Variants in LRP5 observed in about 807,000 individuals in gnomAD.
LRP5 encodes low-density lipoprotein receptor-related protein 5.
Under a neutral mutation model 154.1 loss-of-function variants are expected in LRP5, and 62 were observed. That is an observed-to-expected ratio of 0.40 (90% confidence interval 0.33 to 0.50). The LOEUF is 0.50. Ranked by LOEUF, LRP5 falls within the 20% of genes least tolerant of loss-of-function variation. The pLI, the probability that LRP5 is intolerant of heterozygous loss-of-function variation, is 0.55. For synonymous variants in LRP5, 966 were observed against 1,011.5 expected (o/e 0.96, Z 0.85); for missense variants, 1,915 against 2,336.7 (o/e 0.82, Z 3.72).
At chr11:68,432,876 C>T (rs182574849) in intron 17 of LRP5, among the ~76,000 whole-genome samples, 13 of 152,360 alleles carry the variant, frequency 8.5e-5, no homozygotes, top group South Asian at 4.1e-4. Context: ...GCACTGAGGA[C>T]GTGGAGCCCC....
upstream of LRP5, among the ~76,000 whole-genome samples, chr11:68,309,833 T>C (rs2098586709): frequency 6.6e-6 from 1 of 152,166 alleles, no homozygotes; most frequent in African/African-American, 2.4e-5. Context: ...CTGCTACCAT[T>C]GTACCCACCT....
intron 2 of LRP5, among the ~76,000 whole-genome samples, chr11:68,354,508 T>C (rs2098621470): frequency 1.3e-5 from 2 of 151,876 alleles, no homozygotes; most frequent in African/African-American, 2.4e-5. Context: ...TCTCAGGAGG[T>C]GGCGGAGGGT....
intron 1 of LRP5, among the ~76,000 whole-genome samples, chr11:68,327,279 C>T (rs1419905719): frequency 3.9e-5 from 6 of 152,174 alleles, no homozygotes; most frequent in Non-Finnish European, 7.4e-5. Flanking sequence ...GTCTCGGGGA[C>T]GGAGGGCTTG....
Position 68,411,421 on chromosome 11 carries a change from C to T in LRP5, c.2319-15C>T. 6.2e-7 allele frequency: 1 copy of T among 1,609,278 alleles called. No individual in the cohort carries two copies. Among genetic ancestry groups the T allele is most frequent in the South Asian group, 1.1e-5 (1 of 91,002 alleles). On this transcript the variant is annotated splice_polypyrimidine_tract_variant and intron_variant, in intron 10 of 22. Coordinates refer to ENST00000294304, the MANE Select transcript of LRP5 (RefSeq NM_002335.4). ...CAGACTCACTGAGCCTGCCCTTCTCCCTTGTGCCTTCCAGCTACATCTACT... is the reference window on the plus strand; with the variant it reads ...CAGACTCACTGAGCCTGCCCTTCTCTCTTGTGCCTTCCAGCTACATCTACT...
At chr11:68,313,819 C>A (rs1256237719) in intron 1 of LRP5, among the ~76,000 whole-genome samples, 2 of 152,234 alleles carry the variant, frequency 1.3e-5, no homozygotes, top group African/African-American at 4.8e-5. Flanking sequence ...TTTGTCTGGG[C>A]CTCCTTAAGG....
chr11:68,344,047 C>A (rs145895068), intron 1 of LRP5, among the ~76,000 whole-genome samples: 1 of 152,014 alleles, frequency 6.6e-6, no homozygotes, highest in Non-Finnish European at 1.5e-5. Flanking sequence ...TTCCCCCGCC[C>A]GAGGGACTTC....
At chr11:68,438,298 C>A (rs973466306) in intron 19 of LRP5, 148 bp from the exon 20 acceptor site, 3 of 824,534 alleles carry the variant, frequency 3.6e-6, no homozygotes, top group Non-Finnish European at 6.2e-6. Context: ...CCAGGCTCCC[C>A]AGGCCTAGCC....
intron 5 of LRP5, among the ~76,000 whole-genome samples, chr11:68,378,165 GTTTGT>G (rs1204699667): frequency 4.2e-3 from 1 of 238 alleles, no homozygotes; most frequent in Non-Finnish European, 8.1e-3. Context: ...AAATTATCTT[GTTTGT>G]TTGTGAAAAA....
chr11:68,371,498 C>T (rs17159533), intron 5 of LRP5, among the ~76,000 whole-genome samples: 4 of 152,152 alleles, frequency 2.6e-5, no homozygotes, highest in African/African-American at 4.8e-5. Context: ...CATTCCTTGC[C>T]GTAAAATATC....
At chr11:68,334,423 T>TA (rs1215654687) in intron 1 of LRP5, among the ~76,000 whole-genome samples, 1 of 152,028 alleles carries the variant, frequency 6.6e-6, no homozygotes, top group Non-Finnish European at 1.5e-5. Flanking sequence ...AGCAAATAAG[T>TA]AAACATATGG....
intron 5 of LRP5, among the ~76,000 whole-genome samples, chr11:68,385,614 T>G (rs192647124): frequency 1.3e-5 from 2 of 152,032 alleles, no homozygotes; most frequent in East Asian, 3.9e-4. Context: ...CAAGTGGTCG[T>G]GAAACTCTGT....
intron 7 of LRP5, among the ~76,000 whole-genome samples, chr11:68,396,388 G>A (rs1486561712): frequency 6.6e-6 from 1 of 152,188 alleles, no homozygotes; most frequent in African/African-American, 2.4e-5. Flanking sequence ...GTGGTGGTGT[G>A]CGCAGCTGGG....
intron 7 of LRP5, among the ~76,000 whole-genome samples, chr11:68,397,544 C>T (rs564751863): frequency 6.6e-6 from 1 of 152,326 alleles, no homozygotes; most frequent in South Asian, 2.1e-4. Context: ...GGAAGGTCCT[C>T]TTTCCAAATG....
intron 22 of LRP5, 59 bp downstream of exon 22, chr11:68,446,592 G>A (rs1012700088): frequency 1.1e-5 from 15 of 1,427,004 alleles, no homozygotes; most frequent in Admixed American, 3.4e-5. Context: ...CGTGGTGGAG[G>A]GGCCTAATCC....
At chr11:68,448,457 C>A (rs1038575239) in intron 22 of LRP5, among the ~76,000 whole-genome samples, 1 of 152,208 alleles carries the variant, frequency 6.6e-6, no homozygotes, top group Non-Finnish European at 1.5e-5. Flanking sequence ...TATTTCATCC[C>A]CACTTTTATC....
rs1222844935 is a variant in LRP5, at chr11:68,433,673, C to T, written c.3835C>T (p.Arg1279Cys). Residue 1279 changes from arginine to cysteine, a missense_variant, in exon 18 of 23, where the codon CGC (arginine) becomes TGC (cysteine). This residue lies in a region of LRP5 where 1,094 missense variants were observed against 1,210.1 expected (regional missense o/e 0.90). Coordinates refer to ENST00000294304, the MANE Select transcript of LRP5 (RefSeq NM_002335.4). ...GEIDCIPGAW[R>C]CDGFPECDDQ... Reference sequence around the variant, plus strand: ...GATCGACTGTATCCCCGGGGCCTGGCGCTGTGACGGCTTTCCCGAGTGCGA... The same window carrying T: ...GATCGACTGTATCCCCGGGGCCTGGTGCTGTGACGGCTTTCCCGAGTGCGA... The T allele has an allele frequency of 3.7e-6, 6 of 1,613,410 alleles. No individual in the cohort carries two copies. Among genetic ancestry groups the T allele is most frequent in the South Asian group, 2.2e-5 (2 of 91,088 alleles).
chr11:68,315,266 C>A (rs560816733), intron 1 of LRP5, among the ~76,000 whole-genome samples: 35 of 152,324 alleles, frequency 2.3e-4, no homozygotes, highest in South Asian at 6.2e-4. Flanking sequence ...CTGCAGTGAG[C>A]GCAGTTGTGT....
intron 3 of LRP5, 103 bp from the exon 4 acceptor site, chr11:68,363,644 G>A (rs1443192000): frequency 1.2e-5 from 11 of 950,946 alleles, no homozygotes; most frequent in Admixed American, 2.0e-5. Context: ...GCGACAGACC[G>A]AGACTCCATC....
intron 21 of LRP5, among the ~76,000 whole-genome samples, chr11:68,441,723 G>A (rs1031229106): frequency 5.9e-5 from 9 of 152,196 alleles, no homozygotes; most frequent in African/African-American, 2.2e-4. Flanking sequence ...GCACTGAGCA[G>A]CCAGCTAATT....
Sources: allele counts gnomAD v4.1 joint callset (sites outside exome capture counted in the v4.1 genomes callset), GRCh38; gene constraint gnomAD v4.1.1; regional missense constraint gnomAD v4.1.1; transcripts MANE v1.5; gene names NCBI Gene and HGNC (gene_info 2026-07-23, HGNC 2026-07-21).